Variants in GLIS1 observed in about 807,000 individuals in gnomAD.
GLIS1 encodes the protein zinc finger protein GLIS1.
In GLIS1, 24 loss-of-function variants were observed where a neutral mutation model predicts 63.8. The observed-to-expected ratio is 0.38, with a 90% confidence interval of 0.27 to 0.53. GLIS1 has a LOEUF of 0.53. Among genes scored for constraint, GLIS1 ranks in the 20% least tolerant of loss-of-function variants. The pLI, the probability that GLIS1 is intolerant of heterozygous loss-of-function variation, is 0.85. For missense variants in GLIS1, 1,036 were observed against 1,074.1 expected (o/e 0.96, Z 0.50); for synonymous variants, 450 against 482.5 (o/e 0.93, Z 0.88).
intron 2 of GLIS1, among the ~76,000 whole-genome samples, chr1:53,704,996 T>C (rs1009052272): frequency 1.3e-5 from 2 of 152,110 alleles, no homozygotes; most frequent in Admixed American, 1.3e-4. Flanking sequence ...GGAGGAGACA[T>C]GAAGAGGGAG....
In GLIS1 at chr1:53,639,712, T is replaced by C. The variant is rs1645765414; in HGVS notation, c.260-39434A>G. The stretch of plus-strand genomic sequence containing the variant: ...CTCAGGTTTACTCAGTGAATATTTA[T>C]AAACCTCCAGGCTTGGGAAGCCAGT... On this transcript the variant is annotated intron_variant, in intron 2 of 10. Transcript: ENST00000628545. The surrounding 1 kb of genome is among the most constrained non-coding windows in gnomAD (Gnocchi z 4.6). Among the ~76,000 whole-genome samples the C allele has an allele frequency of 6.6e-6, 1 of 152,146 alleles. No homozygotes were observed. Among genetic ancestry groups the C allele is most frequent in the African/African-American group, 2.4e-5 (1 of 41,424 alleles).
chr1:53,595,604 C>T (rs1645247558), intron 3 of GLIS1, among the ~76,000 whole-genome samples: 2 of 152,190 alleles, frequency 1.3e-5, no homozygotes, highest in African/African-American at 2.4e-5. Context: ...GGCTGCCCTG[C>T]TCCCTCTCCG....
chr1:53,615,910 G>C (rs1378163541), intron 2 of GLIS1, among the ~76,000 whole-genome samples: 2 of 151,848 alleles, frequency 1.3e-5, no homozygotes, highest in Non-Finnish European at 2.9e-5. Context: ...AACCACACCT[G>C]GCTAATTTTT....
At chr1:53,579,459 G>C (rs1645064294) in intron 4 of GLIS1, among the ~76,000 whole-genome samples, 1 of 152,244 alleles carries the variant, frequency 6.6e-6, no homozygotes, top group African/African-American at 2.4e-5. Flanking sequence ...CTCAGGCTGT[G>C]GGAGGGGGAT....
intron 2 of GLIS1, among the ~76,000 whole-genome samples, chr1:53,729,474 A>G (rs1218795786): frequency 1.3e-5 from 2 of 151,988 alleles, no homozygotes; most frequent in East Asian, 3.9e-4. Context: ...GGAGACAAGC[A>G]GGCGGGAAAA....
At chr1:53,572,853 G>A (rs961764188) in intron 4 of GLIS1, among the ~76,000 whole-genome samples, 2 of 152,210 alleles carry the variant, frequency 1.3e-5, no homozygotes, top group East Asian at 1.9e-4. Context: ...TGTCTCAGGG[G>A]TGAAGGCTCC....
chr1:53,524,892 A>T lies in GLIS1; in HGVS notation c.1483-5T>A. 6.2e-7 allele frequency: 1 copy of T among 1,604,818 alleles called. No individual in the cohort carries two copies. Among genetic ancestry groups the T allele is most frequent in the South Asian group, 1.1e-5 (1 of 90,918 alleles). On this transcript the variant is annotated splice_polypyrimidine_tract_variant and splice_region_variant and intron_variant, in intron 5 of 10. Coordinates refer to ENST00000628545, the MANE Select transcript of GLIS1 (RefSeq NM_001367484.1). ...GATCTGACAGGCGTACGGCTTCTGT[A>T]ACATGGGGGGCACGGGTGGGGTGAG... is the stretch of plus-strand genomic sequence containing the variant.
At chr1:53,692,882 G>C (rs1013249559) in intron 2 of GLIS1, among the ~76,000 whole-genome samples, 1 of 152,202 alleles carries the variant, frequency 6.6e-6, no homozygotes, top group Non-Finnish European at 1.5e-5. Context: ...CAAAGTCTTT[G>C]AGAAACCCAC....
chr1:53,599,361 A>T (rs540395600), intron 3 of GLIS1, among the ~76,000 whole-genome samples: 1 of 152,290 alleles, frequency 6.6e-6, no homozygotes, highest in South Asian at 2.1e-4. Context: ...TTATAAGACG[A>T]AAGAGACCCG....
intron 4 of GLIS1, among the ~76,000 whole-genome samples, chr1:53,561,939 G>A (rs1644896638): frequency 6.6e-6 from 1 of 152,190 alleles, no homozygotes; most frequent in South Asian, 2.1e-4. Flanking sequence ...TCTCAGAGGT[G>A]GTGAGACAGG....
intron 4 of GLIS1, among the ~76,000 whole-genome samples, chr1:53,541,870 G>A (rs936239057): frequency 6.6e-6 from 1 of 152,248 alleles, no homozygotes; most frequent in African/African-American, 2.4e-5. Context: ...GGCTCGGTCC[G>A]TTCATCCTGC....
intron 2 of GLIS1, among the ~76,000 whole-genome samples, chr1:53,673,964 G>T (rs555319070): frequency 6.6e-6 from 1 of 152,234 alleles, no homozygotes; most frequent in South Asian, 2.1e-4. Context: ...TTGAGGTCAG[G>T]AGTTCAAGAC....
At chr1:53,729,870 C>T (rs558139145) in intron 2 of GLIS1, among the ~76,000 whole-genome samples, 263 of 152,182 alleles carry the variant, frequency 1.7e-3, no homozygotes, top group African/African-American at 6.2e-3. Flanking sequence ...TTTTGTTTCG[C>T]GCTGGAAATG....
intron 2 of GLIS1, among the ~76,000 whole-genome samples, chr1:53,643,593 C>T (rs1340738612): frequency 1.3e-5 from 2 of 152,186 alleles, no homozygotes; most frequent in East Asian, 1.9e-4. Flanking sequence ...CAGCATAACA[C>T]GGCAACTATA....
chr1:53,688,066 C>A (rs1346465829), intron 2 of GLIS1, among the ~76,000 whole-genome samples: 1 of 152,164 alleles, frequency 6.6e-6, no homozygotes, highest in Non-Finnish European at 1.5e-5. Flanking sequence ...GGCTGCCTTG[C>A]TGGAGGCCAG....
rs143277825 is a variant in GLIS1 at position 53,590,149 on chromosome 1, C to T, written c.1320+3959G>A. On this transcript the variant is annotated intron_variant, in intron 4 of 10. Coordinates refer to ENST00000628545, the MANE Select transcript of GLIS1 (RefSeq NM_001367484.1). The stretch of plus-strand genomic sequence containing the variant: ...TGGAGTGTGATGGGGAAGCAAGCAC[C>T]CTCCCTTACATCATCTCTTTTATCC... 7.2e-5 allele frequency among the ~76,000 whole-genome samples: 11 copies of T among 152,284 alleles called. No homozygotes were observed. In the East Asian group the frequency reaches 2.1e-3, roughly 29 times the overall value.
intron 5 of GLIS1, among the ~76,000 whole-genome samples, chr1:53,529,320 C>A (rs1431645719): frequency 6.6e-6 from 1 of 152,314 alleles, no homozygotes; most frequent in Non-Finnish European, 1.5e-5. Flanking sequence ...GACAAAAGAC[C>A]ACCCTGGAGA....
intron 7 of GLIS1, among the ~76,000 whole-genome samples, chr1:53,519,578 C>T (rs542638586): frequency 1.7e-4 from 26 of 152,186 alleles, no homozygotes; most frequent in Non-Finnish European, 2.4e-4. Context: ...CCAAAGGCCA[C>T]GCTGCCCTTA....
chr1:53,554,516 C>T (rs549372066), intron 4 of GLIS1, among the ~76,000 whole-genome samples: 24 of 152,328 alleles, frequency 1.6e-4, no homozygotes, highest in Non-Finnish European at 2.9e-4. Context: ...CCTGAAGTCA[C>T]ACAGCACATC....
Sources: gnomAD v4.1 joint callset for allele counts (sites outside exome capture counted in the v4.1 genomes callset) on GRCh38, gnomAD v4.1.1 for gene constraint, Gnocchi (gnomAD v3.1) non-coding constraint, MANE v1.5 for transcripts, NCBI Gene and HGNC (gene_info 2026-07-23, HGNC 2026-07-21) for gene names.